Variants in TENM2 observed in about 807,000 individuals in gnomAD.
The protein encoded by TENM2 is teneurin transmembrane protein 2.
Under a neutral mutation model 245.2 loss-of-function variants are expected in TENM2, and 52 were observed. The observed-to-expected ratio is 0.21, with a 90% CI of 0.17 to 0.27. The LOEUF (loss-of-function observed/expected upper bound fraction) is 0.27. Among genes scored for constraint, TENM2 ranks in the 10% least tolerant of loss-of-function variants. TENM2 has a pLI of 1.00. For missense variants in TENM2, 3,046 were observed against 3,666.8 expected (o/e 0.83, Z 4.37); for synonymous variants, 1,363 against 1,438.9 (o/e 0.95, Z 1.19).
chr5:167,596,522 G>C (rs925324558), intron 2 of TENM2, among the ~76,000 whole-genome samples: 1 of 152,164 alleles, frequency 6.6e-6, no homozygotes, highest in African/African-American at 2.4e-5. Context: ...GGCCGGGCGC[G>C]GTGGCTCACG....
intron 2 of TENM2, among the ~76,000 whole-genome samples, chr5:167,489,034 C>A (rs1768264348): frequency 6.6e-6 from 1 of 152,156 alleles, no homozygotes; most frequent in Non-Finnish European, 1.5e-5. Flanking sequence ...GCTGCCACGT[C>A]CACTGCTCTA....
chr5:168,202,955 A>G lies in TENM2; in HGVS notation c.3431-734A>G, dbSNP rs560361563. On this transcript the variant is annotated intron_variant, in intron 17 of 28. Coordinates refer to ENST00000518659, the Ensembl canonical transcript of TENM2. ...TGTCTGAGAAATTGAGGCTTCACTT[A>G]ACCCATTTTACACGTGGGGAAAATG... is the stretch of plus-strand genomic sequence containing the variant. 7.2e-5 allele frequency among the ~76,000 whole-genome samples: 11 copies of G among 152,308 alleles called. No individual in the cohort carries two copies. The South Asian group carries it at 2.3e-3, about 32-fold the overall frequency.
chr5:167,530,184 T>A (rs1771397297), intron 2 of TENM2, among the ~76,000 whole-genome samples: 1 of 152,218 alleles, frequency 6.6e-6, no homozygotes, highest in African/African-American at 2.4e-5. Context: ...ATTTTTCTAT[T>A]CATTTTTATT....
Position 167,366,637 on chromosome 5 carries a change from A to T in TENM2, c.227-8561A>T, listed in dbSNP as rs190528470. ...CCTGATTTTCTTAACCTTAGGCTAT[A>T]TGGTGACTGTTTTGTAGGGCTGCTT... On this transcript the variant is annotated intron_variant, in intron 1 of 28. Coordinates refer to ENST00000518659, the Ensembl canonical transcript of TENM2. 2.5e-3 allele frequency among the ~76,000 whole-genome samples: 379 copies of T among 152,284 alleles called. 1 individual carries two copies. In the Middle Eastern group the frequency reaches 0.031, roughly 12 times the overall value.
At chr5:168,061,871 G>T (rs1790067348) in intron 6 of TENM2, among the ~76,000 whole-genome samples, 189 bp from the exon 9 acceptor site, 1 of 152,062 alleles carries the variant, frequency 6.6e-6, no homozygotes, top group Non-Finnish European at 1.5e-5. Flanking sequence ...ATGCCCTGGG[G>T]TGTGCATTTA....
At chr5:167,855,483 G>A (rs1163596035) in intron 2 of TENM2, among the ~76,000 whole-genome samples, 1 of 151,734 alleles carries the variant, frequency 6.6e-6, no homozygotes, top group East Asian at 1.9e-4. Flanking sequence ...TGTTTAATTT[G>A]CTGTTGTTTT....
intron 2 of TENM2, among the ~76,000 whole-genome samples, chr5:167,404,489 TAGCC>T (rs1274337013): frequency 1.3e-5 from 2 of 152,118 alleles, no homozygotes; most frequent in African/African-American, 2.4e-5. Context: ...AGCCCTGGTG[TAGCC>T]CACTGGGGAG....
intron 2 of TENM2, among the ~76,000 whole-genome samples, chr5:167,834,596 A>C (rs376070911): frequency 6.6e-6 from 1 of 151,642 alleles, no homozygotes; most frequent in African/African-American, 2.4e-5. Flanking sequence ...CATAAGTTCA[A>C]CTGCCATAAA....
chr5:167,678,182 C>T (rs1277490871), intron 2 of TENM2, among the ~76,000 whole-genome samples: 1 of 151,998 alleles, frequency 6.6e-6, no homozygotes, highest in African/African-American at 2.4e-5. Context: ...AATGGAATTA[C>T]AGGTGATTTT....
chr5:167,162,156 A>C, the TENM2 span, among the ~76,000 whole-genome samples: 1 of 150,908 alleles, frequency 6.6e-6, no homozygotes, highest in East Asian at 2.0e-4. Flanking sequence ...TGGGTGACAG[A>C]GCAAGACTCC....
chr5:168,178,997 T>C, intron 13 of TENM2, among the ~76,000 whole-genome samples: 1 of 152,056 alleles, frequency 6.6e-6, no homozygotes, highest in South Asian at 2.1e-4. Context: ...TAGCCAGGCA[T>C]GGTGAAGGGT....
At chr5:167,717,078 C>T (rs1366930861) in intron 2 of TENM2, among the ~76,000 whole-genome samples, 1 of 151,972 alleles carries the variant, frequency 6.6e-6, no homozygotes, top group East Asian at 1.9e-4. Flanking sequence ...GCTCAGCCTC[C>T]CTGGTAGCTG....
the TENM2 span, among the ~76,000 whole-genome samples, chr5:167,188,221 C>T: frequency 6.6e-6 from 1 of 152,170 alleles, no homozygotes; most frequent in Admixed American, 6.6e-5. Context: ...AGTGCTCAAA[C>T]AGCCCTGTGA....
At chr5:167,364,773 A>G (rs1759940333) in intron 1 of TENM2, among the ~76,000 whole-genome samples, 1 of 152,056 alleles carries the variant, frequency 6.6e-6, no homozygotes, top group African/African-American at 2.4e-5. Flanking sequence ...ATAAAAGTCT[A>G]TGTGCCTAAT....
chr5:167,767,172 A>G (rs1763085142), intron 2 of TENM2, among the ~76,000 whole-genome samples: 1 of 152,230 alleles, frequency 6.6e-6, no homozygotes, highest in South Asian at 2.1e-4. Flanking sequence ...AGATGACAGA[A>G]TACACAAATG....
the TENM2 span, among the ~76,000 whole-genome samples, chr5:167,213,272 C>A: frequency 1.1e-4 from 16 of 152,120 alleles, no homozygotes; most frequent in Admixed American, 3.3e-4. Context: ...TAAATGAATA[C>A]CATGGCCTAG....
intron 2 of TENM2, among the ~76,000 whole-genome samples, chr5:167,555,103 A>G (rs1399278344): frequency 6.6e-6 from 1 of 152,158 alleles, no homozygotes; most frequent in Admixed American, 6.5e-5. Flanking sequence ...ACACACACAC[A>G]TGCATACACA....
intron 5 of TENM2, among the ~76,000 whole-genome samples, chr5:168,038,249 A>G (rs1179217596): frequency 1.3e-5 from 2 of 152,206 alleles, no homozygotes; most frequent in Non-Finnish European, 2.9e-5. Flanking sequence ...AGGACTCAAT[A>G]AGAGTTAGCC....
the TENM2 span, among the ~76,000 whole-genome samples, chr5:167,169,236 G>T: frequency 1.3e-5 from 2 of 152,122 alleles, no homozygotes; most frequent in Non-Finnish European, 2.9e-5. Flanking sequence ...CTCACTGGCA[G>T]TAGATCACCA....
Sources: allele counts gnomAD v4.1 joint callset (sites outside exome capture counted in the v4.1 genomes callset), GRCh38; gene constraint gnomAD v4.1.1; transcripts MANE v1.5; gene names NCBI Gene and HGNC (gene_info 2026-07-23, HGNC 2026-07-21).